Variants in TBC1D9 observed in about 807,000 individuals in gnomAD.
TBC1D9 encodes the protein TBC1 domain family member 9.
TBC1D9 carries 63 observed loss-of-function variants against 132.0 expected under a neutral mutation model. The observed-to-expected ratio is 0.48, with a 90% confidence interval of 0.39 to 0.59. The LOEUF (loss-of-function observed/expected upper bound fraction) is 0.59, where lower values mean the gene tolerates loss of function less well. Ranked by LOEUF, TBC1D9 falls within the 20% of genes least tolerant of loss-of-function variation. The pLI, the probability that TBC1D9 is intolerant of heterozygous loss-of-function variation, is 0.00. For missense variants in TBC1D9, 1,261 were observed against 1,592.7 expected (o/e 0.79, Z 3.54); for synonymous variants, 610 against 609.9 (o/e 1.00, Z 0.00).
intron 1 of TBC1D9, among the ~76,000 whole-genome samples, chr4:140,740,116 G>C (rs1432640995): frequency 2.0e-5 from 3 of 152,148 alleles, no homozygotes; most frequent in South Asian, 2.1e-4. Flanking sequence ...TAAAGTAAAA[G>C]AGTTGATTTT....
intron 1 of TBC1D9, among the ~76,000 whole-genome samples, chr4:140,753,809 A>G (rs555608315): frequency 4.8e-4 from 73 of 152,342 alleles, no homozygotes; most frequent in African/African-American, 1.7e-3. Context: ...TATTTGTTAA[A>G]TGATTTAGTG....
intron 1 of TBC1D9, among the ~76,000 whole-genome samples, chr4:140,714,520 C>A (rs538359413): frequency 2.0e-5 from 3 of 152,000 alleles, no homozygotes; most frequent in Non-Finnish European, 4.4e-5. Context: ...GTTATGGAGA[C>A]CAAAATTCTT....
Position 140,669,042 on chromosome 4 carries a change from G to C in TBC1D9, c.1463C>G (p.Ala488Gly), listed in dbSNP as rs1303788340. 6.2e-7 allele frequency: 1 copy of C among 1,613,992 alleles called. No homozygotes were observed. The highest frequency in any genetic ancestry group is 8.5e-7 in the Non-Finnish European group (1 of 1,179,874). ...ATACTCAGCAAAGTGAATCTTCCAG[G>C]CTTGCTCTTTCAGAAACTCTTTGGC... ...KLAKEFLKEQ[A>G]WKIHFAEYGQ... Residue 488 changes from alanine (A) to glycine (G), a missense_variant, in exon 9 of 21, where the codon GCC (alanine) becomes GGC (glycine). Coordinates refer to ENST00000442267, the MANE Select transcript of TBC1D9 (RefSeq NM_015130.3).
intron 1 of TBC1D9, among the ~76,000 whole-genome samples, chr4:140,734,617 C>T (rs1275606281): frequency 6.6e-6 from 1 of 151,984 alleles, no homozygotes; most frequent in Non-Finnish European, 1.5e-5. Context: ...CATAGTGAGA[C>T]CCCCATCTCT....
At chr4:140,668,852 C>G (rs1429928846) in intron 9 of TBC1D9, 65 bp downstream of exon 9, 2 of 1,570,782 alleles carry the variant, frequency 1.3e-6, no homozygotes, top group Non-Finnish European at 1.7e-6. Context: ...ACTGAAGGCA[C>G]AGGGAGGCCC....
At chr4:140,752,537 ATTTTTTATCCTGGTGTTCTATTT>A (rs1447751015) in intron 1 of TBC1D9, among the ~76,000 whole-genome samples, 2 of 149,550 alleles carry the variant, frequency 1.3e-5, no homozygotes. Flanking sequence ...AGTGTTCTAT[ATTTTTTATCCTGGTGTTCTATTT>A]TTTTTTATCC....
At chr4:140,624,712 C>A (rs113050197) in intron 18 of TBC1D9, among the ~76,000 whole-genome samples, 5 of 152,198 alleles carry the variant, frequency 3.3e-5, no homozygotes, top group Admixed American at 1.3e-4. Flanking sequence ...AGGTAAAGGA[C>A]CTCCGCAGAA....
chr4:140,712,137 A>G (rs1738253121), intron 1 of TBC1D9: 1 of 152,184 alleles, frequency 6.6e-6, no homozygotes, highest in African/African-American at 2.4e-5. Context: ...AGGTTGCAAC[A>G]TGCTAGCTAA....
At chr4:140,734,989 A>G (rs887255590) in intron 1 of TBC1D9, among the ~76,000 whole-genome samples, 3 of 152,222 alleles carry the variant, frequency 2.0e-5, no homozygotes, top group African/African-American at 7.2e-5. Context: ...GTTTCCTTAC[A>G]TTCCAGAAAG....
chr4:140,752,389 GT>G (rs1049619610), intron 1 of TBC1D9, among the ~76,000 whole-genome samples: 1 of 151,908 alleles, frequency 6.6e-6, no homozygotes, highest in Admixed American at 6.6e-5. Context: ...AAAATATAGT[GT>G]TTAGGGATAT....
chr4:140,694,553 A>C (rs1389196907), intron 2 of TBC1D9, among the ~76,000 whole-genome samples: 2 of 149,726 alleles, frequency 1.3e-5, no homozygotes, highest in Non-Finnish European at 3.0e-5. Flanking sequence ...CCTGGGCAAC[A>C]GAGTAAGACC....
At chr4:140,637,226 T>C (rs1736895062) in intron 15 of TBC1D9, among the ~76,000 whole-genome samples, 1 of 152,142 alleles carries the variant, frequency 6.6e-6, no homozygotes, top group Non-Finnish European at 1.5e-5. Flanking sequence ...GGCAGGCACC[T>C]GTACTCCCAG....
intron 2 of TBC1D9, among the ~76,000 whole-genome samples, chr4:140,689,838 C>T (rs1478364596): frequency 4.1e-5 from 6 of 146,142 alleles, no homozygotes; most frequent in Admixed American, 1.4e-4. Context: ...TCCTCAAACT[C>T]CTGCGGCTCA....
chr4:140,655,127 G>A (rs186873334), intron 13 of TBC1D9, among the ~76,000 whole-genome samples: 1 of 151,998 alleles, frequency 6.6e-6, no homozygotes, highest in Non-Finnish European at 1.5e-5. Context: ...AGTGTATGTT[G>A]TAAGTATAAA....
In TBC1D9 at chr4:140,670,903, G is replaced by A. The variant is rs776071132; in HGVS notation, c.1083C>T (p.Asp361=). The A allele has an allele frequency of 6.2e-7, 1 of 1,613,964 alleles. No homozygotes were observed. Among genetic ancestry groups the A allele is most frequent in the Non-Finnish European group, 8.5e-7 (1 of 1,179,870 alleles). The change falls in exon 7 of 21, where the codon GAC becomes GAT. Residue 361 remains aspartate, a synonymous_variant. Transcript: ENST00000442267. Reference sequence around the variant, plus strand: ...AGGGACTGGGGAGCACACTGGAGCTGTCTGCCTTTTCCACAATTGTCACCT... The same window carrying A: ...AGGGACTGGGGAGCACACTGGAGCTATCTGCCTTTTCCACAATTGTCACCT... ...LREVTIVEKA[D]SSSVLPSPLS...
chr4:140,735,562 A>G (rs1313865928), intron 1 of TBC1D9, among the ~76,000 whole-genome samples: 1 of 152,046 alleles, frequency 6.6e-6, no homozygotes, highest in Non-Finnish European at 1.5e-5. Context: ...AATCACAAAA[A>G]ATTAGCCGGG....
At chr4:140,658,767 C>G (rs111368640) in intron 11 of TBC1D9, among the ~76,000 whole-genome samples, 8,455 of 151,034 alleles carry the variant, frequency 0.056, 307 homozygotes, top group Non-Finnish European at 0.079. Context: ...GCCAAATTCA[C>G]GCCACTGTAC....
At chr4:140,674,600 G>A (rs943112702) in intron 6 of TBC1D9, among the ~76,000 whole-genome samples, 2 of 151,742 alleles carry the variant, frequency 1.3e-5, no homozygotes, top group Non-Finnish European at 2.9e-5. Flanking sequence ...AGGCTCATTT[G>A]AGCCTAGGAG....
intron 9 of TBC1D9, among the ~76,000 whole-genome samples, chr4:140,665,785 T>C (rs916588074): frequency 1.3e-5 from 2 of 152,108 alleles, no homozygotes; most frequent in Non-Finnish European, 2.9e-5. Context: ...CAAGCAATCC[T>C]CCCATCTCAG....
Sources: gnomAD v4.1 joint callset for allele counts (sites outside exome capture counted in the v4.1 genomes callset) on GRCh38, gnomAD v4.1.1 for gene constraint, MANE v1.5 for transcripts, NCBI Gene and HGNC (gene_info 2026-07-23, HGNC 2026-07-21) for gene names.